CMSS1: variants seen among roughly 807,000 people sequenced by gnomAD.
CMSS1 encodes protein CMSS1.
In CMSS1, 33 loss-of-function variants were observed where a neutral mutation model predicts 43.5. The observed-to-expected ratio is 0.76, with a 90% CI of 0.57 to 1.01. CMSS1 has a LOEUF of 1.01. Among genes scored for constraint, CMSS1 ranks in the 50% least tolerant of loss-of-function variants. The pLI is 0.00. For synonymous variants in CMSS1, 115 were observed against 117.2 expected (o/e 0.98, Z 0.12); for missense variants, 313 against 326.4 (o/e 0.96, Z 0.32).
intron 1 of CMSS1, among the ~76,000 whole-genome samples, chr3:100,000,416 G>A (rs1709808755): frequency 6.6e-6 from 1 of 152,190 alleles, no homozygotes; most frequent in Non-Finnish European, 1.5e-5. Context: ...CTGCTGTTGT[G>A]TGAATGTCGT....
At chr3:100,118,911 C>G (rs2107489779) in intron 1 of CMSS1, among the ~76,000 whole-genome samples, 1 of 152,266 alleles carries the variant, frequency 6.6e-6, no homozygotes, top group Non-Finnish European at 1.5e-5. Context: ...TGACAGGTGA[C>G]CAAGCAACCA....
At chr3:100,038,369 T>C (rs1546032) in intron 1 of CMSS1, among the ~76,000 whole-genome samples, 2,915 of 152,310 alleles carry the variant, frequency 0.019, 88 homozygotes, top group African/African-American at 0.066. Flanking sequence ...TGGCAACAGA[T>C]AGAAAAATAA....
At chr3:99,880,218 C>T (rs570889468) in intron 1 of CMSS1, among the ~76,000 whole-genome samples, 1 of 152,168 alleles carries the variant, frequency 6.6e-6, no homozygotes, top group Non-Finnish European at 1.5e-5. Flanking sequence ...TAATCAACCT[C>T]ATTTCTTCAC....
At position 100,020,369 on chromosome 3, in the gene CMSS1, A is replaced by T. The variant is rs139973372; in HGVS notation, c.65-126604A>T. 5.2e-4 allele frequency among the ~76,000 whole-genome samples: 79 copies of T among 152,346 alleles called. 3 individuals are homozygous for T. Among genetic ancestry groups the T allele is most frequent in the African/African-American group, 1.8e-3 (76 of 41,582 alleles). ...ACAACCAGAAGTTGCAAGTTCCCCA[A>T]GTTCAAAATCTGTACATGTTTGCAC... On this transcript the variant is annotated intron_variant, in intron 1 of 9. Coordinates refer to ENST00000421999, the MANE Select transcript of CMSS1 (RefSeq NM_032359.4).
chr3:100,060,148 G>A (rs959227717), intron 1 of CMSS1, among the ~76,000 whole-genome samples: 3 of 152,078 alleles, frequency 2.0e-5, no homozygotes, highest in African/African-American at 7.3e-5. Context: ...CACATGGTGG[G>A]TGGGCTACGG....
At chr3:99,959,851 T>C (rs1203500202) in intron 1 of CMSS1, among the ~76,000 whole-genome samples, 1 of 152,170 alleles carries the variant, frequency 6.6e-6, no homozygotes, top group Admixed American at 6.5e-5. Context: ...ATGAGCATGG[T>C]TCTTGACTGA....
At chr3:100,067,243 TC>T (rs1468524541) in intron 1 of CMSS1, among the ~76,000 whole-genome samples, 1 of 152,180 alleles carries the variant, frequency 6.6e-6, no homozygotes, top group Non-Finnish European at 1.5e-5. Context: ...AAGTAAGGTA[TC>T]CCTACTCAAA....
chr3:99,922,336 T>G (rs1157688537), intron 1 of CMSS1, among the ~76,000 whole-genome samples: 3 of 152,202 alleles, frequency 2.0e-5, no homozygotes, highest in Non-Finnish European at 4.4e-5. Context: ...AATGTCTGAG[T>G]CAAATGTTTC....
intron 1 of CMSS1, among the ~76,000 whole-genome samples, chr3:99,917,560 G>A (rs1212756284): frequency 2.6e-5 from 4 of 152,116 alleles, no homozygotes; most frequent in Non-Finnish European, 5.9e-5. Flanking sequence ...AAAAATCAAA[G>A]CATTGGTCTA....
At chr3:100,036,312 GA>G (rs199552074) in intron 1 of CMSS1, among the ~76,000 whole-genome samples, 26 of 151,890 alleles carry the variant, frequency 1.7e-4, no homozygotes, top group Admixed American at 3.9e-4. Flanking sequence ...GCTGTTGGAG[GA>G]AAAAAAAGAT....
At chr3:100,111,527 A>C (rs771759881) in intron 1 of CMSS1, among the ~76,000 whole-genome samples, 33 of 152,202 alleles carry the variant, frequency 2.2e-4, no homozygotes, top group Non-Finnish European at 3.5e-4. Flanking sequence ...CCTTGTAGGT[A>C]TAAATGACAT....
At chr3:99,849,187 T>G (rs1258673095) in intron 1 of CMSS1, 1 of 1,614,186 alleles carries the variant, frequency 6.2e-7, no homozygotes, top group Non-Finnish European at 8.5e-7. Flanking sequence ...ATTCTCACTC[T>G]CCTCATATAA....
intron 1 of CMSS1, among the ~76,000 whole-genome samples, chr3:99,940,615 A>G (rs374894734): frequency 6.6e-6 from 1 of 152,336 alleles, no homozygotes. Flanking sequence ...CTTCTTGTTC[A>G]TAGGCCAACC....
In CMSS1 at chr3:99,913,609, A is replaced by ATT. The variant is rs1706862076; in HGVS notation, c.64+95566_64+95567insTT. Among the ~76,000 whole-genome samples the ATT allele has an allele frequency of 3.3e-5, 5 of 152,224 alleles. No individual in the cohort carries two copies. The South Asian group carries it at 1.0e-3, about 31-fold the overall frequency. On this transcript the variant is annotated intron_variant, in intron 1 of 9. Transcript: ENST00000421999. ...GCAACCACTTAAAAAAAGAATAGAAAAAGTATTGTATGATCTTCATGAATT... is the reference window on the plus strand; with the variant it reads ...GCAACCACTTAAAAAAAGAATAGAAATTAAGTATTGTATGATCTTCATGAATT...
chr3:99,858,853 T>C (rs917895704), intron 1 of CMSS1, among the ~76,000 whole-genome samples: 18 of 152,232 alleles, frequency 1.2e-4, no homozygotes, highest in Admixed American at 1.0e-3. Flanking sequence ...AATTTGTCTT[T>C]CTCTGGAAAA....
chr3:99,822,606 C>A (rs1942459510), intron 1 of CMSS1, among the ~76,000 whole-genome samples: 1 of 152,148 alleles, frequency 6.6e-6, no homozygotes, highest in Admixed American at 6.5e-5. Flanking sequence ...GTGGCACGCA[C>A]CTGTAATCCC....
At chr3:100,055,876 T>G (rs6788750) in intron 1 of CMSS1, among the ~76,000 whole-genome samples, 61,802 of 151,992 alleles carry the variant, frequency 0.41, 12,855 homozygotes, top group Middle Eastern at 0.52. Context: ...AAGTTTTTCA[T>G]AACTACCTTC....
intron 1 of CMSS1, among the ~76,000 whole-genome samples, chr3:100,120,252 A>G (rs1404855299): frequency 6.7e-6 from 1 of 150,370 alleles, no homozygotes; most frequent in African/African-American, 2.5e-5. Flanking sequence ...TCTCTGGCAT[A>G]GCTATCATCG....
chr3:100,053,420 TAACTC>T (rs1259177379), intron 1 of CMSS1, among the ~76,000 whole-genome samples: 2 of 152,198 alleles, frequency 1.3e-5, no homozygotes, highest in East Asian at 3.9e-4. Flanking sequence ...TGTGGCAGCA[TAACTC>T]CCAAATCTGC....
Sources: gnomAD v4.1 joint callset for allele counts (sites outside exome capture counted in the v4.1 genomes callset) on GRCh38, gnomAD v4.1.1 for gene constraint, MANE v1.5 for transcripts, NCBI Gene and HGNC (gene_info 2026-07-23, HGNC 2026-07-21) for gene names.